The following PDE11A variants were observed in gnomAD, a reference collection of about 807,000 sequenced individuals.
PDE11A encodes the protein phosphodiesterase 11A, also known as dual 3',5'-cyclic-AMP and -GMP phosphodiesterase 11A.
In PDE11A, 100 loss-of-function variants were observed where a neutral mutation model predicts 100.5. That is an observed-to-expected ratio of 1.00 (90% CI 0.85 to 1.18). PDE11A has a LOEUF of 1.18. Ranked by LOEUF, PDE11A falls within the 50% of genes most tolerant of loss-of-function variation. The pLI is 0.00. For synonymous variants in PDE11A, 381 were observed against 420.8 expected (o/e 0.91, Z 1.16); for missense variants, 1,141 against 1,152.6 (o/e 0.99, Z 0.15).
chr2:177,869,440 C>A (rs2084088269), intron 5 of PDE11A, among the ~76,000 whole-genome samples: 2 of 152,178 alleles, frequency 1.3e-5, no homozygotes, highest in Admixed American at 1.3e-4. Flanking sequence ...AAACCAGCAA[C>A]ATTTGTTGAA....
chr2:177,755,637 G>A (rs1005227365), intron 10 of PDE11A, among the ~76,000 whole-genome samples: 1 of 152,180 alleles, frequency 6.6e-6, no homozygotes, highest in Non-Finnish European at 1.5e-5. Flanking sequence ...ACAGTTGACT[G>A]GTCCAGGGAT....
chr2:177,692,671 G>A (rs1310642254), intron 15 of PDE11A, among the ~76,000 whole-genome samples: 3 of 152,168 alleles, frequency 2.0e-5, no homozygotes, highest in Admixed American at 6.6e-5. Context: ...TGGAAAATCA[G>A]AGTGAATCAT....
At chr2:177,849,624 TTTATTA>T (rs534415807) in intron 5 of PDE11A, among the ~76,000 whole-genome samples, 3 of 151,404 alleles carry the variant, frequency 2.0e-5, no homozygotes, top group Non-Finnish European at 2.9e-5. Flanking sequence ...TATTTATTTA[TTTATTA>T]TTATTATTAT....
chr2:177,861,213 T>C (rs1454629294), intron 5 of PDE11A, among the ~76,000 whole-genome samples: 1 of 151,718 alleles, frequency 6.6e-6, no homozygotes, highest in Non-Finnish European at 1.5e-5. Flanking sequence ...GAAAAAACTA[T>C]TATAATAAAC....
intron 10 of PDE11A, among the ~76,000 whole-genome samples, chr2:177,761,494 C>G (rs1306621415): frequency 6.6e-6 from 1 of 152,284 alleles, no homozygotes; most frequent in South Asian, 2.1e-4. Context: ...TAAGGGTTAC[C>G]AAATGAGTAA....
chr2:177,736,278 G>A (rs551429475), intron 10 of PDE11A, among the ~76,000 whole-genome samples: 1 of 152,246 alleles, frequency 6.6e-6, no homozygotes, highest in East Asian at 1.9e-4. Flanking sequence ...TTGGGAGGCC[G>A]AGGCAGGTGG....
intron 2 of PDE11A, among the ~76,000 whole-genome samples, chr2:177,946,444 C>G (rs1410522524): frequency 2.5e-4 from 12 of 47,504 alleles, no homozygotes; most frequent in South Asian, 1.3e-3. Context: ...GCCGCCCCGT[C>G]CGGGAGGGAG....
At chr2:177,718,362 G>T (rs1559158539) in intron 12 of PDE11A, among the ~76,000 whole-genome samples, 1 of 152,220 alleles carries the variant, frequency 6.6e-6, no homozygotes, top group Non-Finnish European at 1.5e-5. Flanking sequence ...CAGCCCCTAA[G>T]TTGAGGTGTG....
At chr2:177,984,156 G>T (rs1466990956) in intron 2 of PDE11A, among the ~76,000 whole-genome samples, 17 of 152,182 alleles carry the variant, frequency 1.1e-4, no homozygotes, top group Non-Finnish European at 2.5e-4. Flanking sequence ...ACGTAGACAT[G>T]AATGGAAAAG....
At chr2:177,952,798 T>C (rs934351230) in intron 2 of PDE11A, among the ~76,000 whole-genome samples, 1 of 152,184 alleles carries the variant, frequency 6.6e-6, no homozygotes, top group Non-Finnish European at 1.5e-5. Flanking sequence ...CCCCACTCTG[T>C]ACATTGCACT....
intron 9 of PDE11A, among the ~76,000 whole-genome samples, chr2:177,787,795 C>A (rs967489680): frequency 1.3e-5 from 2 of 152,062 alleles, no homozygotes; most frequent in African/African-American, 4.8e-5. Context: ...CAAAGAAGGC[C>A]ATCACATAAT....
Position 178,081,188 on chromosome 2 carries a change from A to T in PDE11A, c.162+23114T>A, listed in dbSNP as rs551437600. Among the ~76,000 whole-genome samples, 14 of 152,328 alleles carry T rather than the reference A, an allele frequency of 9.2e-5. No individual in the cohort carries two copies. In the East Asian group the frequency reaches 2.5e-3, roughly 27 times the overall value. On this transcript the variant is annotated intron_variant, in intron 2 of 20. Transcript: ENST00000358450. ...ATATACCCTTGTGCACTGAAGAATT[A>T]ATAAAGACAGAACCTGATGCTAGAT...
At chr2:177,786,248 C>T (rs2082535395) in intron 9 of PDE11A, among the ~76,000 whole-genome samples, 1 of 152,232 alleles carries the variant, frequency 6.6e-6, no homozygotes, top group South Asian at 2.1e-4. Flanking sequence ...CGCTGTTCTG[C>T]AGCCACCACT....
At chr2:177,946,643 T>G (rs1466021075) in intron 2 of PDE11A, among the ~76,000 whole-genome samples, 12 of 76,060 alleles carry the variant, frequency 1.6e-4, no homozygotes, top group Non-Finnish European at 2.2e-4. Flanking sequence ...GGTGGGGGGG[T>G]CAGCCCCCCG....
intron 5 of PDE11A, among the ~76,000 whole-genome samples, chr2:177,854,510 C>T (rs2083794581): frequency 6.6e-6 from 1 of 151,870 alleles, no homozygotes; most frequent in African/African-American, 2.4e-5. Context: ...TCACTAGTGC[C>T]AAGGAGTATA....
intron 5 of PDE11A, among the ~76,000 whole-genome samples, chr2:177,853,285 T>G (rs2083748263): frequency 6.6e-6 from 1 of 152,006 alleles, no homozygotes; most frequent in African/African-American, 2.4e-5. Context: ...GATAAAATAA[T>G]AGAATGTTGA....
intron 9 of PDE11A, among the ~76,000 whole-genome samples, chr2:177,780,365 T>A (rs2082437119): frequency 1.3e-5 from 2 of 152,082 alleles, no homozygotes; most frequent in Admixed American, 1.3e-4. Context: ...GGACTACAGG[T>A]GTACACCACC....
chr2:177,838,944 G>A (rs568391327), intron 6 of PDE11A, among the ~76,000 whole-genome samples: 2 of 152,234 alleles, frequency 1.3e-5, no homozygotes, highest in East Asian at 3.9e-4. Context: ...GATAGCCAAG[G>A]GAGCAGCTGG....
chr2:177,830,601 AAATAATAATAAT>A (rs56365605), intron 6 of PDE11A, among the ~76,000 whole-genome samples: 15,424 of 139,854 alleles, frequency 0.11, 946 homozygotes, highest in African/African-American at 0.12. Context: ...ACTCCATCTC[AAATAATAATAAT>A]AATAATAATA....
Sources: gnomAD v4.1 joint callset for allele counts (sites outside exome capture counted in the v4.1 genomes callset) on GRCh38, gnomAD v4.1.1 for gene constraint, MANE v1.5 for transcripts, NCBI Gene and HGNC (gene_info 2026-07-23, HGNC 2026-07-21) for gene names.